Variants in FRMPD4 observed in about 807,000 individuals in gnomAD.
FRMPD4 encodes the protein FERM and PDZ domain-containing protein 4.
In FRMPD4, 22 loss-of-function variants were observed where a neutral mutation model predicts 94.1. That is an observed-to-expected ratio of 0.23 (90% CI 0.17 to 0.33). The LOEUF (loss-of-function observed/expected upper bound fraction) is 0.33. Ranked by LOEUF, FRMPD4 falls within the 10% of genes least tolerant of loss-of-function variation. The pLI is 1.00. For synonymous variants in FRMPD4, 631 were observed against 548.6 expected, an observed-to-expected ratio of 1.15 and a Z score of -2.10; for missense variants, 1,111 against 1,339.9, an observed-to-expected ratio of 0.83 and a Z score of 2.67.
chrX:12,339,686 G>A (rs754533329), intron 1 of FRMPD4, among the ~76,000 whole-genome samples: 25 of 109,078 alleles, frequency 2.3e-4, no homozygotes, highest in African/African-American at 8.4e-4. Context: ...GTGCAATTGC[G>A]GCTCACTGCA....
intron 1 of FRMPD4, among the ~76,000 whole-genome samples, chrX:12,354,878 G>A (rs73192419): frequency 0.026 from 2,936 of 112,237 alleles, 35 homozygotes; most frequent in Non-Finnish European, 0.041. Context: ...CCCCACTGAA[G>A]GAACAGGGAT....
chrX:12,121,901 C>T (rs769823489), intron 3 of FRMPD4, among the ~76,000 whole-genome samples: 8 of 111,756 alleles, frequency 7.2e-5, no homozygotes, highest in Non-Finnish European at 1.3e-4. Context: ...CTGTAAGTCT[C>T]TCAGCATATG....
At chrX:12,235,238 G>C (rs936235692) in intron 1 of FRMPD4, among the ~76,000 whole-genome samples, 1 of 111,809 alleles carries the variant, frequency 8.9e-6, no homozygotes. Context: ...GGGGAGATGT[G>C]GCTGGTAACA....
At chrX:12,713,096 AAAAAG>A (rs1346528482) in intron 14 of FRMPD4, among the ~76,000 whole-genome samples, 1 of 110,752 alleles carries the variant, frequency 9.0e-6, no homozygotes, top group Non-Finnish European at 1.9e-5. Flanking sequence ...AAGAAAAAAA[AAAAAG>A]AAAAGTAAAG....
At chrX:12,592,241 ACTCT>A (rs1353508354) in intron 2 of FRMPD4, among the ~76,000 whole-genome samples, 1 of 111,504 alleles carries the variant, frequency 9.0e-6, no homozygotes, top group South Asian at 3.8e-4. Flanking sequence ...TTGCTACATG[ACTCT>A]CTATTCTTCG....
intron 1 of FRMPD4, among the ~76,000 whole-genome samples, chrX:12,387,138 C>T (rs1054618810): frequency 1.8e-5 from 2 of 111,983 alleles, no homozygotes; most frequent in Non-Finnish European, 3.8e-5. Flanking sequence ...AATAGGGAAG[C>T]CATCCTTTCT....
chrX:12,536,989 C>CTTTTTAT (rs1427476254), intron 2 of FRMPD4, among the ~76,000 whole-genome samples: 2 of 111,569 alleles, frequency 1.8e-5, no homozygotes, highest in African/African-American at 6.5e-5. Context: ...GATTACTGAG[C>CTTTTTAT]TTTTTATATC....
In FRMPD4 at chrX:12,530,381, G is replaced by A. The variant is rs189377813; in HGVS notation, c.158+31585G>A. On this transcript the variant is annotated intron_variant, in intron 2 of 16. Coordinates refer to ENST00000675598, the MANE Select transcript of FRMPD4 (RefSeq NM_001368397.1). Reference sequence around the variant, plus strand: ...TGGAGAAAAGGAAAGTGAATGCTATGTCAAGATGCTTGGGCTTTGTCATTT... The same window carrying A: ...TGGAGAAAAGGAAAGTGAATGCTATATCAAGATGCTTGGGCTTTGTCATTT... 2.4e-3 allele frequency among the ~76,000 whole-genome samples: 269 copies of A among 111,322 alleles called. 2 individuals carry two copies. The highest frequency in any genetic ancestry group is 0.014 in the Middle Eastern group (3 of 218).
At chrX:12,068,789 G>C (rs963658503) in intron 3 of FRMPD4, among the ~76,000 whole-genome samples, 1 of 112,066 alleles carries the variant, frequency 8.9e-6, no homozygotes, top group Non-Finnish European at 1.9e-5. Context: ...TATTAAAACA[G>C]AGCACTCTAT....
intron 3 of FRMPD4, among the ~76,000 whole-genome samples, chrX:12,070,574 A>G (rs2054958606): frequency 9.0e-6 from 1 of 111,646 alleles, no homozygotes; most frequent in Admixed American, 9.5e-5. Flanking sequence ...TGTCGCCTCT[A>G]AACAGATAAA....
At chrX:12,246,616 A>G (rs189248898) in intron 1 of FRMPD4, among the ~76,000 whole-genome samples, 3 of 110,988 alleles carry the variant, frequency 2.7e-5, no homozygotes, top group East Asian at 5.7e-4. Context: ...ACTTAGAGTC[A>G]TAGGAAAAAT....
At chrX:12,564,847 GAGAGA>G (rs2058696455) in intron 2 of FRMPD4, among the ~76,000 whole-genome samples, 1 of 110,670 alleles carries the variant, frequency 9.0e-6, no homozygotes, top group African/African-American at 3.3e-5. Flanking sequence ...GAGAGAGAGA[GAGAGA>G]GAGAATGTAT....
intron 1 of FRMPD4, among the ~76,000 whole-genome samples, chrX:11,851,556 AGTAG>A (rs2053622221): frequency 9.0e-6 from 1 of 111,542 alleles, no homozygotes; most frequent in Non-Finnish European, 1.9e-5. Flanking sequence ...TTAATAAGTA[AGTAG>A]TTGACACTTG....
At chrX:12,268,735 T>G (rs2147840562) in intron 1 of FRMPD4, among the ~76,000 whole-genome samples, 1 of 112,351 alleles carries the variant, frequency 8.9e-6, no homozygotes, top group South Asian at 3.7e-4. Context: ...TTTCTAATTT[T>G]GGAGGCTCTA....
chrX:12,208,200 T>A (rs1381583085), intron 1 of FRMPD4, among the ~76,000 whole-genome samples: 1 of 111,298 alleles, frequency 9.0e-6, no homozygotes, highest in Non-Finnish European at 1.9e-5. Flanking sequence ...ATACAACGTA[T>A]TATCAATAAT....
chrX:12,286,469 C>G (rs967034291), intron 1 of FRMPD4, among the ~76,000 whole-genome samples: 1 of 111,787 alleles, frequency 8.9e-6, no homozygotes, highest in African/African-American at 3.2e-5. Context: ...AATAAGATCC[C>G]TTTGAATTCT....
chrX:11,925,189 A>T (rs2054079968), intron 3 of FRMPD4, among the ~76,000 whole-genome samples: 1 of 111,218 alleles, frequency 9.0e-6, no homozygotes, highest in African/African-American at 3.3e-5. Context: ...TAAAGGGTTC[A>T]ATTCAACAAG....
chrX:12,653,456 T>C (rs1602265609), intron 4 of FRMPD4, among the ~76,000 whole-genome samples: 2 of 112,298 alleles, frequency 1.8e-5, no homozygotes, highest in Non-Finnish European at 1.9e-5. Context: ...ATGTCACTTT[T>C]TTTGACATAA....
chrX:12,239,446 A>G (rs936030540), intron 1 of FRMPD4, among the ~76,000 whole-genome samples: 1 of 112,485 alleles, frequency 8.9e-6, no homozygotes, highest in Non-Finnish European at 1.9e-5. Context: ...AGATTATGCA[A>G]TTGCTTTTGT....
Sources: allele counts gnomAD v4.1 joint callset (sites outside exome capture counted in the v4.1 genomes callset), GRCh38; gene constraint gnomAD v4.1.1; transcripts MANE v1.5; gene names NCBI Gene and HGNC (gene_info 2026-07-23, HGNC 2026-07-21).